PGM2L1: variants seen among roughly 807,000 people sequenced by gnomAD.
PGM2L1 encodes the protein glucose 1,6-bisphosphate synthase.
PGM2L1 carries 35 observed loss-of-function variants against 73.4 expected under a neutral mutation model. The ratio of observed to expected loss-of-function variants is 0.48; its 90% CI spans 0.36 to 0.63. The LOEUF (loss-of-function observed/expected upper bound fraction) is 0.63. Among genes scored for constraint, PGM2L1 ranks in the 30% least tolerant of loss-of-function variants. The pLI, the probability that PGM2L1 is intolerant of heterozygous loss-of-function variation, is 0.00. For synonymous variants in PGM2L1, 225 were observed against 253.8 expected (o/e 0.89, Z 1.08); for missense variants, 570 against 742.0 (o/e 0.77, Z 2.69).
chr11:74,347,036 A>AC, intron 7 of PGM2L1, 112 bp downstream of exon 7: 2 of 1,032,972 alleles, frequency 1.9e-6, no homozygotes, highest in Non-Finnish European at 2.7e-6. Context: ...CAATTAAAAG[A>AC]TGTAAACTAC....
chr11:74,347,437 G>T, intron 6 of PGM2L1, 100 bp from the exon 7 acceptor site: 1 of 1,011,142 alleles, frequency 9.9e-7, no homozygotes, highest in Non-Finnish European at 1.4e-6. Context: ...GATTAAATGT[G>T]ATTTAAGCCT....
intron 12 of PGM2L1, among the ~76,000 whole-genome samples, chr11:74,341,004 G>A (rs1380608275): frequency 1.3e-5 from 2 of 152,182 alleles, no homozygotes; most frequent in African/African-American, 4.8e-5. Flanking sequence ...AATAAGGTTG[G>A]AAAAGGAAGT....
At chr11:74,386,524 G>C (rs181723259) in intron 1 of PGM2L1, among the ~76,000 whole-genome samples, 4 of 151,098 alleles carry the variant, frequency 2.6e-5, no homozygotes, top group Admixed American at 2.0e-4. Flanking sequence ...CACCCAGGCT[G>C]GAGTGCAGTG....
rs1256103579 is a variant in PGM2L1, at chr11:74,398,134, T to C, written c.28A>G (p.Asn10Asp). ...TAGGGGGCGTGGAGCAGGTTGGAGT[T>C]CAGATCCCCCTCTGTGTTTTCAGCC... MAENTEGDL[N>D]SNLLHAPYHT... is the part of the protein sequence containing the mutation. The change falls in exon 1 of 14, where the codon AAC (asparagine) becomes GAC (aspartate). Residue 10 changes from asparagine (N) to aspartate (D), a missense_variant. Physicochemically the swap from Asn to Asp is conservative, Grantham distance 23. Transcript: ENST00000298198. 1.9e-6 allele frequency: 3 copies of C among 1,612,592 alleles called. No individual in the cohort carries two copies. The Admixed American group carries it at 5.0e-5, about 27-fold the overall frequency.
At chr11:74,345,039 A>G (rs1450959160) in intron 9 of PGM2L1, among the ~76,000 whole-genome samples, 1 of 152,096 alleles carries the variant, frequency 6.6e-6, no homozygotes, top group East Asian at 1.9e-4. Context: ...GTTTTTTTGG[A>G]TGTAGGATCA....
intron 6 of PGM2L1, among the ~76,000 whole-genome samples, chr11:74,350,180 T>C (rs1862328302): frequency 6.6e-6 from 1 of 152,220 alleles, no homozygotes; most frequent in Non-Finnish European, 1.5e-5. Flanking sequence ...CTGTCACTTA[T>C]TTTAGACGGA....
chr11:74,368,458 T>C, intron 5 of PGM2L1, 34 bp downstream of exon 5: 5 of 1,524,812 alleles, frequency 3.3e-6, no homozygotes, highest in Non-Finnish European at 4.5e-6. Context: ...AGATGAACTA[T>C]AAGATAAGCA....
At chr11:74,376,878 C>T (rs945987545) in intron 1 of PGM2L1, among the ~76,000 whole-genome samples, 2 of 152,018 alleles carry the variant, frequency 1.3e-5, no homozygotes, top group African/African-American at 4.8e-5. Flanking sequence ...ATAATTATGA[C>T]AACTGGCATT....
intron 1 of PGM2L1, among the ~76,000 whole-genome samples, chr11:74,380,933 T>C (rs1289980934): frequency 6.6e-6 from 1 of 152,236 alleles, no homozygotes; most frequent in African/African-American, 2.4e-5. Flanking sequence ...CACTGAACTA[T>C]AATTCTAGAA....
chr11:74,343,138 TG>T, intron 10 of PGM2L1, 124 bp from the exon 11 acceptor site: 1 of 1,354,790 alleles, frequency 7.4e-7, no homozygotes. Context: ...TCATCAATAC[TG>T]AGTGTATTTA....
At chr11:74,354,552 G>C in intron 5 of PGM2L1, 1 of 1,175,138 alleles carries the variant, frequency 8.5e-7, no homozygotes, top group Non-Finnish European at 1.3e-6. Context: ...TTTGAGCAAT[G>C]GGAATGCTCA....
chr11:74,393,155 G>A (rs970980568), intron 1 of PGM2L1, among the ~76,000 whole-genome samples: 3 of 152,118 alleles, frequency 2.0e-5, no homozygotes, highest in Admixed American at 2.0e-4. Context: ...ATAAATTCAA[G>A]GAATAAGGAC....
intron 5 of PGM2L1, among the ~76,000 whole-genome samples, chr11:74,359,753 A>G (rs59749117): frequency 0.037 from 5,550 of 151,864 alleles, 113 homozygotes; most frequent in Middle Eastern, 0.092. Context: ...ATATTTATAT[A>G]TGTGTGGACT....
intron 1 of PGM2L1, among the ~76,000 whole-genome samples, chr11:74,383,261 A>C (rs1862973087): frequency 1.3e-5 from 2 of 152,152 alleles, no homozygotes; most frequent in Non-Finnish European, 2.9e-5. Flanking sequence ...AAACACTTAG[A>C]TATATTAAGG....
At chr11:74,391,530 T>C (rs1863101872) in intron 1 of PGM2L1, among the ~76,000 whole-genome samples, 1 of 151,978 alleles carries the variant, frequency 6.6e-6, no homozygotes, top group African/African-American at 2.4e-5. Flanking sequence ...GGGTGTAACG[T>C]TTTTTTCTTA....
intron 1 of PGM2L1, chr11:74,397,800 G>A (rs1863201152): frequency 2.9e-6 from 1 of 347,674 alleles, no homozygotes; most frequent in Non-Finnish European, 5.0e-6. Flanking sequence ...AAAGGAAAGA[G>A]GGTAAAGAAG....
At chr11:74,355,096 G>A in intron 5 of PGM2L1, 1 of 1,278,038 alleles carries the variant, frequency 7.8e-7, no homozygotes, top group Non-Finnish European at 1.1e-6. Flanking sequence ...GACAACTTTG[G>A]TTGTGGAGGA....
intron 1 of PGM2L1, 39 bp from the exon 2 acceptor site, chr11:74,374,621 A>G: frequency 1.3e-6 from 2 of 1,574,512 alleles, no homozygotes; most frequent in African/African-American, 1.4e-5. Context: ...CAGGAATCCA[A>G]GCAGAGTCCT....
At chr11:74,396,172 T>C (rs1189676236) in intron 1 of PGM2L1, among the ~76,000 whole-genome samples, 1 of 151,176 alleles carries the variant, frequency 6.6e-6, no homozygotes, top group East Asian at 2.0e-4. Flanking sequence ...GGCAGAAAGA[T>C]CACTTGAGCC....
Sources: allele counts gnomAD v4.1 joint callset (sites outside exome capture counted in the v4.1 genomes callset), GRCh38; gene constraint gnomAD v4.1.1; transcripts MANE v1.5; gene names NCBI Gene and HGNC (gene_info 2026-07-23, HGNC 2026-07-21).